Variants in PGBD5 observed in about 807,000 individuals in gnomAD.
PGBD5 encodes piggyBac transposable element-derived protein 5.
PGBD5 carries 14 observed loss-of-function variants against 47.9 expected under a neutral mutation model. The observed-to-expected ratio is 0.29, with a 90% CI of 0.19 to 0.46. PGBD5 has a LOEUF of 0.46. Among genes scored for constraint, PGBD5 ranks in the 20% least tolerant of loss-of-function variants. The pLI, the probability that PGBD5 is intolerant of heterozygous loss-of-function variation, is 1.00. For missense variants in PGBD5, 635 were observed against 716.0 expected (o/e 0.89, Z 1.29); for synonymous variants, 316 against 306.3 (o/e 1.03, Z -0.33).
Position 230,385,364 on chromosome 1 carries a change from C to T in PGBD5, c.332-28043G>A, listed in dbSNP as rs568096042. 2.0e-5 allele frequency among the ~76,000 whole-genome samples: 3 copies of T among 152,314 alleles called. No homozygotes were observed. In the South Asian group the frequency reaches 6.2e-4, roughly 32 times the overall value. ...GCAGTATTTTAAAGAGCCAGACCCA[C>T]AGCTTTTACGTGACGGGAAAAATGA... On this transcript the variant is annotated intron_variant, in intron 1 of 6. Coordinates refer to ENST00000391860, the MANE Select transcript of PGBD5 (RefSeq NM_001258311.2).
chr1:230,335,018 A>C (rs1429358767), intron 4 of PGBD5, among the ~76,000 whole-genome samples: 1 of 139,760 alleles, frequency 7.2e-6, no homozygotes, highest in Non-Finnish European at 1.6e-5. Flanking sequence ...CATCTACCCC[A>C]CTCGACACAG....
intron 3 of PGBD5, among the ~76,000 whole-genome samples, chr1:230,339,202 C>T (rs1165260006): frequency 6.6e-6 from 1 of 152,198 alleles, no homozygotes. Context: ...TGCTTCCCCA[C>T]CTTTTTTAAA....
At chr1:230,396,382 C>G (rs1408262581) in intron 1 of PGBD5, among the ~76,000 whole-genome samples, 3 of 141,356 alleles carry the variant, frequency 2.1e-5, no homozygotes, top group Admixed American at 2.1e-4. Context: ...CCCTTTGCTC[C>G]CCAAGCTCCT....
intron 1 of PGBD5, among the ~76,000 whole-genome samples, chr1:230,413,106 G>A (rs561081090): frequency 6.7e-6 from 1 of 150,334 alleles, no homozygotes; most frequent in South Asian, 2.1e-4. Context: ...ACATTGTTTT[G>A]CTTAAAGTTG....
At chr1:230,408,056 T>C (rs1437926197) in intron 1 of PGBD5, among the ~76,000 whole-genome samples, 3 of 152,152 alleles carry the variant, frequency 2.0e-5, no homozygotes, top group Non-Finnish European at 2.9e-5. Flanking sequence ...GTGTTCACAG[T>C]TGTAGCCCAA....
intron 1 of PGBD5, among the ~76,000 whole-genome samples, chr1:230,361,463 G>A (rs758617352): frequency 1.3e-5 from 2 of 151,900 alleles, no homozygotes; most frequent in African/African-American, 2.4e-5. Flanking sequence ...TTCCCCCACC[G>A]CACCAGGCCA....
intron 1 of PGBD5, among the ~76,000 whole-genome samples, chr1:230,361,218 G>A (rs1667736966): frequency 6.6e-6 from 1 of 152,118 alleles, no homozygotes; most frequent in Non-Finnish European, 1.5e-5. Flanking sequence ...GGGGGATAAC[G>A]CAGGATGAAA....
chr1:230,351,841 GATT>G (rs1185901109), intron 2 of PGBD5, among the ~76,000 whole-genome samples: 1 of 152,096 alleles, frequency 6.6e-6, no homozygotes, highest in Non-Finnish European at 1.5e-5. Context: ...TTGATAACAT[GATT>G]ATATGACTTT....
intron 1 of PGBD5, among the ~76,000 whole-genome samples, chr1:230,417,620 G>A (rs1446932601): frequency 3.3e-5 from 5 of 152,154 alleles, no homozygotes; most frequent in African/African-American, 1.2e-4. Context: ...CACCTGACTA[G>A]TTATTTGTTC....
At chr1:230,386,183 G>A (rs1423880363) in intron 1 of PGBD5, among the ~76,000 whole-genome samples, 1 of 152,046 alleles carries the variant, frequency 6.6e-6, no homozygotes, top group Non-Finnish European at 1.5e-5. Flanking sequence ...GGCAGGTGTG[G>A]TGGTGCATGC....
At chr1:230,338,469 T>C (rs113077393) in intron 3 of PGBD5, among the ~76,000 whole-genome samples, 1 of 152,212 alleles carries the variant, frequency 6.6e-6, no homozygotes, top group Non-Finnish European at 1.5e-5. Flanking sequence ...GGGGGCAACA[T>C]GTAGTCCTTG....
chr1:230,362,668 A>C (rs1667766747), intron 1 of PGBD5, among the ~76,000 whole-genome samples: 1 of 152,104 alleles, frequency 6.6e-6, no homozygotes, highest in Admixed American at 6.5e-5. Flanking sequence ...ACCCCAGCTA[A>C]AGTGTGAAAG....
intron 3 of PGBD5, among the ~76,000 whole-genome samples, chr1:230,340,754 G>A (rs1055313636): frequency 1.3e-5 from 2 of 152,006 alleles, no homozygotes; most frequent in South Asian, 2.1e-4. Context: ...GTAGCCTCTT[G>A]CTGTCTTGGA....
intron 1 of PGBD5, among the ~76,000 whole-genome samples, chr1:230,363,338 T>G (rs1667779082): frequency 6.6e-6 from 1 of 152,014 alleles, no homozygotes; most frequent in African/African-American, 2.4e-5. Flanking sequence ...TCCCAGTACT[T>G]TAGGAGGCCG....
Position 230,335,600 on chromosome 1 carries a change from TACAG to T in PGBD5, c.1075+1504_1075+1507del, listed in dbSNP as rs146537852. On this transcript the variant is annotated intron_variant, in intron 4 of 6. Transcript: ENST00000391860. ...ATATACAGACACACACAGATACACA[TACAG>T]ACACAGACACACACACAGGTACACA... Among the ~76,000 whole-genome samples the T allele has an allele frequency of 1.8e-3, 14 of 7,866 alleles. 1 individual carries two copies. Among genetic ancestry groups the T allele is most frequent in the African/African-American group, 3.3e-3 (14 of 4,250 alleles). 5.2% of individuals were successfully genotyped at this position (7,866 alleles called of 152,430 possible).
intron 3 of PGBD5, among the ~76,000 whole-genome samples, chr1:230,341,007 G>A (rs1179310097): frequency 6.6e-6 from 1 of 152,112 alleles, no homozygotes; most frequent in Non-Finnish European, 1.5e-5. Context: ...TGAGCCAGAG[G>A]AGACAGGCAC....
chr1:230,353,433 A>G (rs1195775081), intron 2 of PGBD5, among the ~76,000 whole-genome samples: 1 of 152,160 alleles, frequency 6.6e-6, no homozygotes, highest in East Asian at 1.9e-4. Context: ...AGAAACACAC[A>G]CACACACCCC....
Position 230,318,242 on chromosome 1 carries a change from T to C in PGBD5, c.*5183A>G, listed in dbSNP as rs1480842082. 6.6e-6 allele frequency: 1 copy of C among 152,248 alleles called. No individual in the cohort carries two copies. The highest frequency in any genetic ancestry group is 1.5e-5 in the Non-Finnish European group (1 of 68,044). The allele number at this position is 152,248 out of a possible 1,614,324, so 9.4% of individuals were successfully genotyped here. A position where few individuals can be genotyped will look rare whatever the true frequency, so the allele number is the denominator to read the frequency against. ...TGCCACTTTGGTACCTGATACTCTTTATTTCTTATTGGGAGAGAATAACAT... is the reference window on the plus strand; with the variant it reads ...TGCCACTTTGGTACCTGATACTCTTCATTTCTTATTGGGAGAGAATAACAT... On this transcript the variant is annotated 3_prime_UTR_variant, in exon 7 of 7. Coordinates refer to ENST00000391860, the MANE Select transcript of PGBD5 (RefSeq NM_001258311.2).
intron 1 of PGBD5, among the ~76,000 whole-genome samples, chr1:230,414,054 A>G (rs546290614): frequency 6.6e-6 from 1 of 152,338 alleles, no homozygotes; most frequent in African/African-American, 2.4e-5. Flanking sequence ...GGCACACCCC[A>G]AGGTGCATGT....
Sources: allele counts gnomAD v4.1 joint callset (sites outside exome capture counted in the v4.1 genomes callset), GRCh38; gene constraint gnomAD v4.1.1; transcripts MANE v1.5; gene names NCBI Gene and HGNC (gene_info 2026-07-23, HGNC 2026-07-21).